ARHGAP10: variants seen among roughly 807,000 people sequenced by gnomAD.
The protein encoded by ARHGAP10 is rho GTPase-activating protein 10.
ARHGAP10 carries 87 observed loss-of-function variants against 108.6 expected under a neutral mutation model. That is an observed-to-expected ratio of 0.80 (90% confidence interval 0.67 to 0.96). The LOEUF (loss-of-function observed/expected upper bound fraction) is 0.96. Among genes scored for constraint, ARHGAP10 ranks in the 40% least tolerant of loss-of-function variants. The probability of loss-of-function intolerance (pLI) is 0.00; values close to 1 mark genes in which losing one functional copy is unlikely to be tolerated. For missense variants in ARHGAP10, 939 were observed against 954.5 expected (o/e 0.98, Z 0.21); for synonymous variants, 347 against 341.1 (o/e 1.02, Z -0.19).
At chr4:147,802,517 G>T (rs1731622797) in intron 1 of ARHGAP10, among the ~76,000 whole-genome samples, 1 of 152,208 alleles carries the variant, frequency 6.6e-6, no homozygotes, top group Non-Finnish European at 1.5e-5. Context: ...GGCCCCCTTT[G>T]GACCATGTTT....
chr4:147,801,382 C>T (rs745635082), intron 1 of ARHGAP10, among the ~76,000 whole-genome samples: 3 of 152,110 alleles, frequency 2.0e-5, no homozygotes, highest in Non-Finnish European at 2.9e-5. Flanking sequence ...AGAAGAGAAC[C>T]ATTGCTGTGC....
rs149609564 is a variant in ARHGAP10, at chr4:147,879,679, T to C, written c.939+341T>C. On this transcript the variant is annotated intron_variant, in intron 9 of 22. Transcript: ENST00000336498. ...CATCTACATTAGATATTTCTCCTAA[T>C]GCTATCCCTCCCCTAGCCCCCAGCC... 6.6e-5 allele frequency among the ~76,000 whole-genome samples: 10 copies of C among 152,280 alleles called. No homozygotes were observed. The East Asian group carries it at 1.9e-3, about 29-fold the overall frequency.
At chr4:147,838,281 TAGC>T (rs1274376482) in intron 3 of ARHGAP10, among the ~76,000 whole-genome samples, 1 of 152,182 alleles carries the variant, frequency 6.6e-6, no homozygotes, top group Admixed American at 6.5e-5. Flanking sequence ...AAGTATATGT[TAGC>T]AGCCCATTTG....
intron 4 of ARHGAP10, among the ~76,000 whole-genome samples, chr4:147,855,549 C>T (rs1263994313): frequency 1.3e-5 from 2 of 151,780 alleles, no homozygotes. Context: ...ACAACTTCTG[C>T]TTTTTTTTGG....
chr4:147,976,058 C>T (rs1739581248), intron 18 of ARHGAP10, among the ~76,000 whole-genome samples: 1 of 152,188 alleles, frequency 6.6e-6, no homozygotes, highest in Non-Finnish European at 1.5e-5. Context: ...GTATCCACTG[C>T]TTCATTCCTG....
chr4:147,941,538 A>G (rs775674682), intron 14 of ARHGAP10, among the ~76,000 whole-genome samples: 1 of 152,146 alleles, frequency 6.6e-6, no homozygotes, highest in Non-Finnish European at 1.5e-5. Context: ...GTGTGACACA[A>G]CCTCACACAT....
At chr4:147,754,438 A>AG (rs947632748) in intron 1 of ARHGAP10, among the ~76,000 whole-genome samples, 5 of 152,298 alleles carry the variant, frequency 3.3e-5, no homozygotes, top group Non-Finnish European at 5.9e-5. Context: ...AGGCTTAGAA[A>AG]GGAGTCAGTG....
At chr4:147,885,669 A>G (rs2126877964) in intron 10 of ARHGAP10, among the ~76,000 whole-genome samples, 1 of 152,226 alleles carries the variant, frequency 6.6e-6, no homozygotes, top group South Asian at 2.1e-4. Flanking sequence ...GACCTCCTGA[A>G]ACTCTCTATC....
intron 18 of ARHGAP10, among the ~76,000 whole-genome samples, chr4:148,004,589 G>C (rs1387266144): frequency 6.6e-6 from 1 of 152,200 alleles, no homozygotes; most frequent in Non-Finnish European, 1.5e-5. Context: ...TCTGTGGAGA[G>C]GGCCACGTGG....
At chr4:147,778,587 G>A (rs1420361915) in intron 1 of ARHGAP10, among the ~76,000 whole-genome samples, 1 of 152,158 alleles carries the variant, frequency 6.6e-6, no homozygotes, top group Non-Finnish European at 1.5e-5. Context: ...TAGTAAATAT[G>A]CACGTGTTCT....
In ARHGAP10 at chr4:147,821,778, A is replaced by G. The variant is rs117210957; in HGVS notation, c.155-949A>G. On this transcript the variant is annotated intron_variant, in intron 1 of 22. Coordinates refer to ENST00000336498, the MANE Select transcript of ARHGAP10 (RefSeq NM_024605.4). ...GTGTGAAGGAGACACACAGGAAGAC[A>G]GCAGCTGTGTGAAGTGCAGAAGTCA... Among the ~76,000 whole-genome samples, 7 of 152,378 alleles carry G rather than the reference A, an allele frequency of 4.6e-5. No homozygotes were observed. In the East Asian group the frequency reaches 1.3e-3, roughly 29 times the overall value.
chr4:147,852,017 T>C (rs1733893617), intron 4 of ARHGAP10, among the ~76,000 whole-genome samples: 1 of 152,178 alleles, frequency 6.6e-6, no homozygotes, highest in South Asian at 2.1e-4. Flanking sequence ...CTTACGACAC[T>C]TGTCTCAGGA....
At chr4:148,040,703 T>C (rs1218723517) in intron 19 of ARHGAP10, among the ~76,000 whole-genome samples, 1 of 152,182 alleles carries the variant, frequency 6.6e-6, no homozygotes, top group East Asian at 1.9e-4. Context: ...CTTGGAACCA[T>C]AAACCTTTGG....
At chr4:148,027,203 A>G (rs893521762) in intron 19 of ARHGAP10, among the ~76,000 whole-genome samples, 1 of 152,234 alleles carries the variant, frequency 6.6e-6, no homozygotes, top group African/African-American at 2.4e-5. Context: ...TTACAGAACT[A>G]GGTTTTATAT....
chr4:147,905,953 C>G (rs1180745627), intron 10 of ARHGAP10, among the ~76,000 whole-genome samples: 1 of 152,088 alleles, frequency 6.6e-6, no homozygotes, highest in Non-Finnish European at 1.5e-5. Flanking sequence ...CTTCACGTTC[C>G]TTGTAAGTTG....
chr4:147,784,711 A>G (rs1404836553), intron 1 of ARHGAP10, among the ~76,000 whole-genome samples: 1 of 82,470 alleles, frequency 1.2e-5, no homozygotes, highest in Admixed American at 2.2e-4. Context: ...AATATATATT[A>G]TAAATATAAT....
intron 3 of ARHGAP10, among the ~76,000 whole-genome samples, chr4:147,824,953 G>A (rs1449912980): frequency 6.6e-6 from 1 of 152,178 alleles, no homozygotes; most frequent in Non-Finnish European, 1.5e-5. Context: ...TTTAAAGGAT[G>A]AGGAAACTGA....
intron 1 of ARHGAP10, among the ~76,000 whole-genome samples, chr4:147,778,024 G>A (rs183384375): frequency 4.6e-5 from 7 of 152,296 alleles, no homozygotes; most frequent in African/African-American, 1.7e-4. Context: ...ATCCAGACAA[G>A]TCTTGCTTTC....
intron 18 of ARHGAP10, among the ~76,000 whole-genome samples, chr4:148,010,107 T>G (rs549588640): frequency 2.7e-5 from 4 of 150,552 alleles, no homozygotes; most frequent in South Asian, 4.2e-4. Context: ...TCCCCTCCAC[T>G]TTTTTTTTGT....
Sources: gnomAD v4.1 joint callset for allele counts (sites outside exome capture counted in the v4.1 genomes callset) on GRCh38, gnomAD v4.1.1 for gene constraint, MANE v1.5 for transcripts, NCBI Gene and HGNC (gene_info 2026-07-23, HGNC 2026-07-21) for gene names.